RAPGEF6: variants seen among roughly 807,000 people sequenced by gnomAD.
RAPGEF6 encodes PDZ domain containing guanine nucleotide exchange factor (GEF) 2.
In RAPGEF6, 56 loss-of-function variants were observed where a neutral mutation model predicts 171.4. The ratio of observed to expected loss-of-function variants is 0.33; its 90% CI spans 0.26 to 0.41. The LOEUF is 0.41. RAPGEF6 is among the 10% of genes least tolerant of loss of function. The pLI is 1.00. For synonymous variants in RAPGEF6, 692 were observed against 650.1 expected (o/e 1.06, Z -0.98); for missense variants, 1,674 against 1,921.4 (o/e 0.87, Z 2.41).
At chr5:131,518,554 C>A (rs1438836691) in intron 7 of RAPGEF6, among the ~76,000 whole-genome samples, 1 of 151,870 alleles carries the variant, frequency 6.6e-6, no homozygotes, top group East Asian at 1.9e-4. Flanking sequence ...TGCTCCATCA[C>A]CCCAGCTAAT....
At chr5:131,633,634 G>A (rs1766451936) in intron 1 of RAPGEF6, among the ~76,000 whole-genome samples, 1 of 151,470 alleles carries the variant, frequency 6.6e-6, no homozygotes, top group South Asian at 2.1e-4. Context: ...CGGAGGCTGA[G>A]GCAGAAAAAT....
chr5:131,615,629 A>G (rs904699771), intron 1 of RAPGEF6, among the ~76,000 whole-genome samples: 1 of 152,112 alleles, frequency 6.6e-6, no homozygotes, highest in African/African-American at 2.4e-5. Context: ...GGCTGGGTAC[A>G]GTGGCTCACA....
chr5:131,500,148 T>C (rs565790818), intron 11 of RAPGEF6, among the ~76,000 whole-genome samples: 3 of 152,298 alleles, frequency 2.0e-5, no homozygotes, highest in South Asian at 2.1e-4. Context: ...CCATCCTCCA[T>C]GGCCTCCCAA....
At chr5:131,536,051 T>C (rs908945004) in intron 6 of RAPGEF6, among the ~76,000 whole-genome samples, 1 of 152,142 alleles carries the variant, frequency 6.6e-6, no homozygotes, top group Non-Finnish European at 1.5e-5. Context: ...AATATTATAA[T>C]CATAATTTAG....
chr5:131,497,864 T>C (rs1756734842), intron 12 of RAPGEF6, among the ~76,000 whole-genome samples: 1 of 152,232 alleles, frequency 6.6e-6, no homozygotes, highest in African/African-American at 2.4e-5. Flanking sequence ...TTCCATTAAA[T>C]GTGCAAACAT....
At position 131,431,146 on chromosome 5, in the gene RAPGEF6, T is replaced by C. The variant is rs367777340; in HGVS notation, c.4178A>G (p.His1393Arg). 21 of 1,614,102 alleles carry C rather than the reference T, an allele frequency of 1.3e-5. No individual in the cohort carries two copies. The African/African-American group carries it at 2.7e-4, about 21-fold the overall frequency. The change falls in exon 26 of 28, where the codon CAT becomes CGT. Residue 1393 changes from histidine to arginine, a missense_variant. Around this residue, in one of 3 missense-constraint regions of RAPGEF6, gnomAD observed 552 missense variants for 574.2 expected, o/e 0.96. Coordinates refer to ENST00000509018, the MANE Select transcript of RAPGEF6 (RefSeq NM_016340.6). ...KSWDFLNSYR[H>R]THLDDPIAEV... ...AGCAATGGGGTCATCCAAATGGGTA[T>C]GTCTGTAAGAGTTCAAAAAATCCCA...
chr5:131,432,032 G>T (rs1035471932), intron 25 of RAPGEF6, among the ~76,000 whole-genome samples: 3 of 151,884 alleles, frequency 2.0e-5, no homozygotes, highest in Non-Finnish European at 4.4e-5. Flanking sequence ...TTATAGCAGG[G>T]GTCCCCAAAC....
At chr5:131,482,586 A>G (rs1179815813) in intron 15 of RAPGEF6, among the ~76,000 whole-genome samples, 1 of 152,208 alleles carries the variant, frequency 6.6e-6, no homozygotes, top group East Asian at 1.9e-4. Context: ...TACAGGGGTG[A>G]GCCACCACGA....
At chr5:131,470,974 C>T (rs1349662124) in intron 17 of RAPGEF6, among the ~76,000 whole-genome samples, 1 of 152,184 alleles carries the variant, frequency 6.6e-6, no homozygotes, top group Non-Finnish European at 1.5e-5. Context: ...TTCTTCTTCA[C>T]CCTGGTAGTG....
intron 21 of RAPGEF6, among the ~76,000 whole-genome samples, chr5:131,451,411 C>G: frequency 6.6e-6 from 1 of 151,178 alleles, no homozygotes; most frequent in Non-Finnish European, 1.5e-5. Context: ...TGGTGAAACC[C>G]TATCTCTACT....
At chr5:131,437,236 C>T (rs1457026551) in intron 24 of RAPGEF6, among the ~76,000 whole-genome samples, 1 of 152,172 alleles carries the variant, frequency 6.6e-6, no homozygotes, top group Admixed American at 6.5e-5. Flanking sequence ...GCTCACAAAC[C>T]TATAAACATG....
chr5:131,430,686 A>G (rs768009544), intron 26 of RAPGEF6, 173 bp downstream of exon 26: 3 of 927,868 alleles, frequency 3.2e-6, no homozygotes, highest in South Asian at 1.3e-5. Flanking sequence ...TAGCTGCTCC[A>G]AAGTCTTTGA....
Position 131,561,993 on chromosome 5 carries a change from A to G in RAPGEF6, c.336T>C (p.Pro112=). ...AAGTTCTTACCACAATCATTTCTGA[A>G]GGCTCTAATACAAGACAATCACATC... ...KRGCDCLVLE[P]SEMIVVENAK... The change falls in exon 5 of 28, where the codon CCT becomes CCC. Residue 112 remains proline (P), a synonymous_variant. Coordinates refer to ENST00000509018, the MANE Select transcript of RAPGEF6 (RefSeq NM_016340.6). The G allele has an allele frequency of 6.3e-7, 1 of 1,595,032 alleles. No individual in the cohort carries two copies. Among genetic ancestry groups the G allele is most frequent in the Non-Finnish European group, 8.5e-7 (1 of 1,170,588 alleles).
chr5:131,622,590 GT>G (rs1765657186), intron 1 of RAPGEF6, among the ~76,000 whole-genome samples: 1 of 152,168 alleles, frequency 6.6e-6, no homozygotes, highest in South Asian at 2.1e-4. Flanking sequence ...ACAATCTAAA[GT>G]TTTTAATAAA....
At chr5:131,585,884 C>T (rs1029234802) in intron 4 of RAPGEF6, among the ~76,000 whole-genome samples, 4 of 152,056 alleles carry the variant, frequency 2.6e-5, no homozygotes, top group Admixed American at 1.3e-4. Context: ...ACCTGGAAGC[C>T]CCCTCTCTGT....
intron 5 of RAPGEF6, among the ~76,000 whole-genome samples, chr5:131,548,603 C>CTTTAG (rs1760707936): frequency 6.6e-6 from 1 of 152,126 alleles, no homozygotes; most frequent in South Asian, 2.1e-4. Flanking sequence ...AACAAGAAAA[C>CTTTAG]TTTATGCAAT....
At chr5:131,574,881 A>C (rs1276918242) in intron 4 of RAPGEF6, among the ~76,000 whole-genome samples, 1 of 152,190 alleles carries the variant, frequency 6.6e-6, no homozygotes, top group African/African-American at 2.4e-5. Context: ...ACAGGCTTTA[A>C]GAGGACTAAA....
At chr5:131,508,452 G>C (rs1757507159) in intron 8 of RAPGEF6, among the ~76,000 whole-genome samples, 1 of 152,148 alleles carries the variant, frequency 6.6e-6, no homozygotes, top group South Asian at 2.1e-4. Flanking sequence ...CCTCCAGAGA[G>C]AACAAGGACC....
chr5:131,517,955 T>C (rs554000265), intron 7 of RAPGEF6, among the ~76,000 whole-genome samples: 2 of 152,210 alleles, frequency 1.3e-5, no homozygotes, highest in East Asian at 3.9e-4. Flanking sequence ...TTTTCCAATT[T>C]TTTTTTCAAC....
Sources: gnomAD v4.1 joint callset for allele counts (sites outside exome capture counted in the v4.1 genomes callset) on GRCh38, gnomAD v4.1.1 for gene constraint, gnomAD v4.1.1 regional missense constraint, MANE v1.5 for transcripts, NCBI Gene and HGNC (gene_info 2026-07-23, HGNC 2026-07-21) for gene names.